Variants in ZC3HAV1 observed in about 807,000 individuals in gnomAD.
ZC3HAV1 encodes the protein zinc finger CCCH-type containing, antiviral 1, also known as zinc finger CCCH-type antiviral protein 1.
A neutral mutation model predicts 86.6 loss-of-function variants in ZC3HAV1; 41 were observed. That is an observed-to-expected ratio of 0.47 (90% CI 0.37 to 0.61). The LOEUF is 0.61. ZC3HAV1 is among the 20% of genes least tolerant of loss of function. ZC3HAV1 has a pLI of 0.00. For synonymous variants in ZC3HAV1, 421 were observed against 432.1 expected, an observed-to-expected ratio of 0.97 and a Z score of 0.32; for missense variants, 964 against 1,141.1, an observed-to-expected ratio of 0.84 and a Z score of 2.24.
chr7:139,056,730 T>C (rs1370881505), intron 9 of ZC3HAV1, among the ~76,000 whole-genome samples: 1 of 151,962 alleles, frequency 6.6e-6, no homozygotes, highest in Non-Finnish European at 1.5e-5. Context: ...AAAAATGAAA[T>C]TGCATGAAAA....
At chr7:139,049,111 A>ACT (rs1173194442) in intron 12 of ZC3HAV1, among the ~76,000 whole-genome samples, 3 of 138,778 alleles carry the variant, frequency 2.2e-5, no homozygotes, top group African/African-American at 5.5e-5. Context: ...AGTACATCCA[A>ACT]CTCTCTCTCT....
In ZC3HAV1 at chr7:139,101,573, G is replaced by C. The variant is rs1303909354; in HGVS notation, c.308+7451C>G. On this transcript the variant is annotated intron_variant, in intron 1 of 12. Coordinates refer to ENST00000242351, the MANE Select transcript of ZC3HAV1 (RefSeq NM_020119.4). ...ATGGCGGTTTTGTGGAATAGAAAAG[G>C]GGGAAAGGTGGGGAAATGATAGAGA... 2.8e-5 allele frequency among the ~76,000 whole-genome samples: 4 copies of C among 140,778 alleles called. No homozygotes were observed. In the South Asian group the frequency reaches 9.6e-4, roughly 34 times the overall value. 92.4% of individuals were successfully genotyped at this position (140,778 alleles called of 152,430 possible).
rs1818016966 is a variant in ZC3HAV1 at position 139,108,897 on chromosome 7, G to A, written c.308+127C>T. Reference sequence around the variant, plus strand: ...CCCAGAGGGGAGCAGAGAAGGGAGTGGCTGGAGGCGGAGGCTGTCAGGTGC... The same window carrying A: ...CCCAGAGGGGAGCAGAGAAGGGAGTAGCTGGAGGCGGAGGCTGTCAGGTGC... On this transcript the variant is annotated intron_variant, in intron 1 of 12. Coordinates refer to ENST00000242351, the MANE Select transcript of ZC3HAV1 (RefSeq NM_020119.4). This position sits in a 1 kb window ranked among gnomAD's most constrained non-coding sequence, Gnocchi z 4.2. The A allele has an allele frequency of 8.9e-6, 11 of 1,233,622 alleles. No homozygotes were observed. The South Asian group carries it at 1.1e-4, about 12-fold the overall frequency. The allele number at this position is 1,233,622 out of a possible 1,614,324, so 76.4% of individuals were successfully genotyped here. A position where few individuals can be genotyped will look rare whatever the true frequency, so the allele number is the denominator to read the frequency against.
intron 1 of ZC3HAV1, among the ~76,000 whole-genome samples, chr7:139,103,637 C>G (rs1467855050): frequency 6.6e-6 from 1 of 152,106 alleles, no homozygotes; most frequent in East Asian, 1.9e-4. Flanking sequence ...AATGATCTAC[C>G]CTGGAAAAGC....
intron 12 of ZC3HAV1, 134 bp downstream of exon 12, chr7:139,053,317 T>C: frequency 9.3e-7 from 1 of 1,077,422 alleles, no homozygotes; most frequent in Non-Finnish European, 1.3e-6. Flanking sequence ...ACCGTGAGCT[T>C]ACTGTCTCTC....
At chr7:139,088,519 G>T (rs1055796218) in intron 2 of ZC3HAV1, among the ~76,000 whole-genome samples, 3 of 152,144 alleles carry the variant, frequency 2.0e-5, no homozygotes, top group Non-Finnish European at 4.4e-5. Context: ...AGTGAGTACA[G>T]ACTCATTGTA....
chr7:139,089,101 CAAAAAAAAAAAAAAA>C (rs1195760878), intron 2 of ZC3HAV1, among the ~76,000 whole-genome samples: 2 of 20,688 alleles, frequency 9.7e-5, no homozygotes, highest in South Asian at 2.7e-3. Flanking sequence ...GACTCCATCT[CAAAAAAAAAAAAAAA>C]AAAAAAAAAA....
At chr7:139,057,397 T>C (rs949575681) in intron 9 of ZC3HAV1, among the ~76,000 whole-genome samples, 3 of 152,272 alleles carry the variant, frequency 2.0e-5, no homozygotes, top group Admixed American at 1.3e-4. Flanking sequence ...GTAACAATAT[T>C]GTTACCACTA....
chr7:139,065,243 G>A (rs935103004), intron 7 of ZC3HAV1, among the ~76,000 whole-genome samples: 4 of 152,302 alleles, frequency 2.6e-5, no homozygotes, highest in Admixed American at 2.6e-4. Context: ...CCTGAGAAGT[G>A]TAGCTGTTTG....
chr7:139,047,666 G>T lies in ZC3HAV1; in HGVS notation c.2637C>A (p.Ile879=). 1 of 1,614,084 alleles carries T rather than the reference G, an allele frequency of 6.2e-7. No homozygotes were observed. The highest frequency in any genetic ancestry group is 8.5e-7 in the Non-Finnish European group (1 of 1,180,024). ...DTRSNPSVFV[I]FQKDQVYPQY... The stretch of plus-strand genomic sequence containing the variant: ...GTGGGTAAACCTGATCTTTCTGAAA[G>T]ATGACAAAAACGGAGGGATTCGATC... The change falls in exon 13 of 13, where the codon ATC becomes ATA. Residue 879 remains isoleucine, a synonymous_variant. Transcript: ENST00000242351.
At chr7:139,087,886 G>T (rs990014464) in intron 2 of ZC3HAV1, among the ~76,000 whole-genome samples, 10 of 151,696 alleles carry the variant, frequency 6.6e-5, no homozygotes, top group African/African-American at 2.4e-4. Flanking sequence ...AAAAAAGTTA[G>T]CCAGCTATGG....
intron 1 of ZC3HAV1, among the ~76,000 whole-genome samples, chr7:139,106,470 C>T (rs1817939158): frequency 6.6e-6 from 1 of 152,008 alleles, no homozygotes; most frequent in South Asian, 2.1e-4. Flanking sequence ...AAAAATTAGC[C>T]AAGCATGGTG....
chr7:139,101,242 C>T (rs6978065), intron 1 of ZC3HAV1, among the ~76,000 whole-genome samples: 2,848 of 151,640 alleles, frequency 0.019, 86 homozygotes, highest in African/African-American at 0.065. Context: ...GTGCCGAGAT[C>T]GCAGCCTCTG....
chr7:139,087,526 G>A (rs1231738155), intron 2 of ZC3HAV1, among the ~76,000 whole-genome samples: 2 of 151,998 alleles, frequency 1.3e-5, no homozygotes, highest in Non-Finnish European at 2.9e-5. Flanking sequence ...GCACGGGGCT[G>A]GAGAGCAAAT....
At chr7:139,088,897 G>T (rs1322752412) in intron 2 of ZC3HAV1, among the ~76,000 whole-genome samples, 1 of 152,134 alleles carries the variant, frequency 6.6e-6, no homozygotes, top group Non-Finnish European at 1.5e-5. Context: ...GAGGTCGGGA[G>T]TTCGAGGCCA....
At position 139,047,346 on chromosome 7, in the gene ZC3HAV1, A is replaced by G. The variant is rs550313876; in HGVS notation, c.*248T>C. The stretch of plus-strand genomic sequence containing the variant: ...TCAGTCTCAAAAAAAAAAAAAAAAA[A>G]AAAAATACAACTGCCTGGCGCTGAC... On this transcript the variant is annotated 3_prime_UTR_variant, in exon 13 of 13. Transcript: ENST00000242351. 1.6e-3 allele frequency: 553 copies of G among 346,170 alleles called. 5 individuals are homozygous for G. Among genetic ancestry groups the G allele is most frequent in the South Asian group, 0.015 (519 of 34,122 alleles). 21.4% of individuals were successfully genotyped at this position (346,170 alleles called of 1,614,324 possible).
chr7:139,081,783 T>C (rs577527757), intron 3 of ZC3HAV1, among the ~76,000 whole-genome samples: 21 of 152,378 alleles, frequency 1.4e-4, no homozygotes, highest in African/African-American at 4.6e-4. Flanking sequence ...GAAATATTTA[T>C]TTGGGATGAA....
At chr7:139,095,579 G>A (rs1273859851) in intron 1 of ZC3HAV1, among the ~76,000 whole-genome samples, 1 of 152,246 alleles carries the variant, frequency 6.6e-6, no homozygotes, top group Non-Finnish European at 1.5e-5. Context: ...AAAGCACCGA[G>A]GGCCTTGCAA....
At position 139,080,134 on chromosome 7, in the gene ZC3HAV1, C is replaced by T; in HGVS notation, c.807G>A (p.Glu269=). 6.2e-7 allele frequency: 1 copy of T among 1,614,214 alleles called. No individual in the cohort carries two copies. ...EFLASASASA[E]RSCTPSPDQI... Reference sequence around the variant, plus strand: ...GATCTGGACTAGGTGTGCAGGACCTCTCAGCAGACGCTGAAGCAGACGCAA... The same window carrying T: ...GATCTGGACTAGGTGTGCAGGACCTTTCAGCAGACGCTGAAGCAGACGCAA... The change falls in exon 4 of 13, where the codon GAG becomes GAA. Residue 269 remains glutamate, a synonymous_variant. Coordinates refer to ENST00000242351, the MANE Select transcript of ZC3HAV1 (RefSeq NM_020119.4).
Sources: gnomAD v4.1 joint callset for allele counts (sites outside exome capture counted in the v4.1 genomes callset) on GRCh38, gnomAD v4.1.1 for gene constraint, Gnocchi (gnomAD v3.1) non-coding constraint, MANE v1.5 for transcripts, NCBI Gene and HGNC (gene_info 2026-07-23, HGNC 2026-07-21) for gene names.